Variants in COL14A1 observed in about 807,000 individuals in gnomAD.
COL14A1 encodes collagen type XIV alpha 1 chain.
COL14A1 carries 136 observed loss-of-function variants against 230.3 expected under a neutral mutation model. The observed-to-expected ratio is 0.59, with a 90% CI of 0.51 to 0.68. The LOEUF (loss-of-function observed/expected upper bound fraction) is 0.68. Among genes scored for constraint, COL14A1 ranks in the 30% least tolerant of loss-of-function variants. COL14A1 has a pLI of 0.00. For synonymous variants in COL14A1, 792 were observed against 784.1 expected (o/e 1.01, Z -0.17); for missense variants, 1,976 against 2,215.8 (o/e 0.89, Z 2.17).
chr8:120,184,502 G>A lies in COL14A1; in HGVS notation c.437-12289G>A, dbSNP rs59565441. Among the ~76,000 whole-genome samples the A allele has an allele frequency of 8.3e-3, 1,263 of 152,078 alleles. 22 individuals are homozygous for A. Among genetic ancestry groups the A allele is most frequent in the African/African-American group, 0.029 (1,217 of 41,484 alleles). ...ACTGCTGGCCTCAAGTGACCTGCCCGCCTCCGCCTCCCAAAGTGCTGGGAT... is the reference window on the plus strand; with the variant it reads ...ACTGCTGGCCTCAAGTGACCTGCCCACCTCCGCCTCCCAAAGTGCTGGGAT... On this transcript the variant is annotated intron_variant, in intron 5 of 47. Coordinates refer to ENST00000297848, the MANE Select transcript of COL14A1 (RefSeq NM_021110.4).
chr8:120,208,207 A>T, intron 10 of COL14A1, 25 bp from the exon 11 acceptor site: 1 of 1,583,976 alleles, frequency 6.3e-7, no homozygotes. Context: ...CCATACTCTC[A>T]TTACTCAAAC....
At chr8:120,330,213 C>T (rs953391832) in intron 40 of COL14A1, among the ~76,000 whole-genome samples, 1 of 152,132 alleles carries the variant, frequency 6.6e-6, no homozygotes, top group African/African-American at 2.4e-5. Flanking sequence ...TTGGTGAGCC[C>T]ACGCATCCCC....
intron 19 of COL14A1, among the ~76,000 whole-genome samples, chr8:120,238,627 C>T (rs1000137639): frequency 3.9e-4 from 60 of 152,124 alleles, no homozygotes; most frequent in Admixed American, 3.9e-4. Flanking sequence ...GGTTCTGTCT[C>T]GCTGGCATTC....
At chr8:120,134,580 T>C (rs950431442) in intron 1 of COL14A1, among the ~76,000 whole-genome samples, 5 of 151,882 alleles carry the variant, frequency 3.3e-5, no homozygotes, top group Non-Finnish European at 7.4e-5. Context: ...TCATAAACCA[T>C]AGGAGATAAA....
chr8:120,348,650 A>G (rs1822626160), intron 45 of COL14A1, among the ~76,000 whole-genome samples: 1 of 151,998 alleles, frequency 6.6e-6, no homozygotes, highest in Non-Finnish European at 1.5e-5. Flanking sequence ...GTAACCAAAC[A>G]CCACCTGTTC....
intron 5 of COL14A1, among the ~76,000 whole-genome samples, chr8:120,176,037 ATAGT>A (rs1816271486): frequency 6.6e-6 from 1 of 152,260 alleles, no homozygotes; most frequent in Non-Finnish European, 1.5e-5. Context: ...TACCTAGTAT[ATAGT>A]AAGTGCCACA....
At chr8:120,365,135 C>T (rs1167542060) in intron 45 of COL14A1, among the ~76,000 whole-genome samples, 2 of 152,040 alleles carry the variant, frequency 1.3e-5, no homozygotes, top group Non-Finnish European at 2.9e-5. Flanking sequence ...TTTCTATTCC[C>T]AATCTTCTCC....
Position 120,342,418 on chromosome 8 carries a change from G to A in COL14A1, c.4860G>A (p.Ala1620=), listed in dbSNP as rs116831553. Residue 1620 remains alanine (A), a synonymous_variant, in exon 44 of 48, where the codon GCG becomes GCA. Coordinates refer to ENST00000297848, the MANE Select transcript of COL14A1 (RefSeq NM_021110.4). Reference sequence around the variant, plus strand: ...CTCAAGCCATGGTGAGATCAGTGGCGCGTCAAGTATGCGAACAGCTCATCC... The same window carrying A: ...CTCAAGCCATGGTGAGATCAGTGGCACGTCAAGTATGCGAACAGCTCATCC... ...LQSQAMVRSV[A]RQVCEQLIQS... 6.5e-4 allele frequency: 1,043 copies of A among 1,613,940 alleles called. 9 individuals carry two copies. In the East Asian group the frequency reaches 0.018, roughly 28 times the overall value.
intron 23 of COL14A1, among the ~76,000 whole-genome samples, chr8:120,256,208 G>A (rs1470290553): frequency 1.3e-5 from 2 of 152,098 alleles, no homozygotes; most frequent in Non-Finnish European, 2.9e-5. Flanking sequence ...TAAAAATGTA[G>A]CCTGTTCTTT....
At chr8:120,207,746 T>C (rs1276671354) in intron 10 of COL14A1, among the ~76,000 whole-genome samples, 1 of 151,958 alleles carries the variant, frequency 6.6e-6, no homozygotes, top group Non-Finnish European at 1.5e-5. Flanking sequence ...CTGACTGACC[T>C]CAGCATATTT....
chr8:120,310,890 G>T (rs1430435887), intron 37 of COL14A1, among the ~76,000 whole-genome samples: 1 of 152,122 alleles, frequency 6.6e-6, no homozygotes, highest in East Asian at 1.9e-4. Context: ...TTTGTAACTT[G>T]ACTCCCATCT....
chr8:120,285,185 G>A (rs1481814417), intron 32 of COL14A1, among the ~76,000 whole-genome samples: 1 of 151,564 alleles, frequency 6.6e-6, no homozygotes, highest in East Asian at 2.0e-4. Context: ...CAGGCACGGT[G>A]GCTCACGCCT....
At chr8:120,192,141 C>T (rs145949282) in intron 5 of COL14A1, among the ~76,000 whole-genome samples, 5,126 of 152,242 alleles carry the variant, frequency 0.034, 120 homozygotes, top group Non-Finnish European at 0.049. Flanking sequence ...TTCTTAGTCT[C>T]AATGGTCTTT....
At chr8:120,200,663 G>T (rs536444897) in intron 8 of COL14A1, among the ~76,000 whole-genome samples, 1 of 136,480 alleles carries the variant, frequency 7.3e-6, no homozygotes, top group Non-Finnish European at 1.6e-5. Context: ...TCTCCTCTAG[G>T]TATACTGTAA....
intron 44 of COL14A1, among the ~76,000 whole-genome samples, chr8:120,345,158 A>G (rs1280731007): frequency 1.3e-5 from 2 of 152,208 alleles, no homozygotes; most frequent in African/African-American, 4.8e-5. Context: ...TTCCAAACAC[A>G]TGAGATGCCA....
At chr8:120,197,442 C>T (rs1195554354) in intron 6 of COL14A1, among the ~76,000 whole-genome samples, 2 of 151,866 alleles carry the variant, frequency 1.3e-5, no homozygotes, top group African/African-American at 4.8e-5. Flanking sequence ...CTTTATTAAA[C>T]AAAGTCTCCT....
rs907318166 is a variant in COL14A1, at chr8:120,188,084, C to A, written c.437-8707C>A. On this transcript the variant is annotated intron_variant, in intron 5 of 47. Transcript: ENST00000297848. ...CAACAGATAAGTGTGGAAGGCTTAA[C>A]TTTTTTTTTTTTTTTTGAGATGGCG... 9.9e-5 allele frequency among the ~76,000 whole-genome samples: 14 copies of A among 141,564 alleles called. No homozygotes were observed. The South Asian group carries it at 1.2e-3, about 12-fold the overall frequency. 92.9% of individuals were successfully genotyped at this position (141,564 alleles called of 152,430 possible). A position where few individuals can be genotyped will look rare whatever the true frequency, so the allele number is the denominator to read the frequency against.
At chr8:120,229,905 G>A (rs906974889) in intron 18 of COL14A1, among the ~76,000 whole-genome samples, 1 of 152,072 alleles carries the variant, frequency 6.6e-6, no homozygotes, top group Non-Finnish European at 1.5e-5. Context: ...TTTAGAGACA[G>A]GGTTTCATTC....
chr8:120,197,943 C>A lies in COL14A1; in HGVS notation c.712+13C>A. ...AATACACTAACAGGTATGTTTTGTT[C>A]AATCCATGTTATAACAACATATCTT... On this transcript the variant is annotated intron_variant, in intron 7 of 47. Transcript: ENST00000297848. The A allele has an allele frequency of 1.9e-6, 3 of 1,612,222 alleles. No individual in the cohort carries two copies. The highest frequency in any genetic ancestry group is 2.2e-5 in the South Asian group (2 of 90,866).
Sources: allele counts gnomAD v4.1 joint callset (sites outside exome capture counted in the v4.1 genomes callset), GRCh38; gene constraint gnomAD v4.1.1; transcripts MANE v1.5; gene names NCBI Gene and HGNC (gene_info 2026-07-23, HGNC 2026-07-21).